SLC16A4: variants seen among roughly 807,000 people sequenced by gnomAD.
SLC16A4 encodes probable monocarboxylate transporter 5.
A neutral mutation model predicts 47.9 loss-of-function variants in SLC16A4; 39 were observed. That is an observed-to-expected ratio of 0.81 (90% CI 0.63 to 1.06). The LOEUF (loss-of-function observed/expected upper bound fraction) is 1.06, where lower values mean the gene tolerates loss of function less well. Ranked by LOEUF, SLC16A4 falls within the 50% of genes least tolerant of loss-of-function variation. SLC16A4 has a pLI of 0.00. For missense variants in SLC16A4, 524 were observed against 573.8 expected (o/e 0.91, Z 0.89); for synonymous variants, 189 against 199.9 (o/e 0.95, Z 0.46).
chr1:110,364,511 T>TC, intron 8 of SLC16A4, among the ~76,000 whole-genome samples: 1 of 148,834 alleles, frequency 6.7e-6, no homozygotes, highest in South Asian at 2.2e-4. Context: ...TTTTTTTTTT[T>TC]TTTTTTTTTG....
chr1:110,369,472 CG>C (rs1172009410), intron 8 of SLC16A4, among the ~76,000 whole-genome samples: 1 of 152,008 alleles, frequency 6.6e-6, no homozygotes, highest in Non-Finnish European at 1.5e-5. Context: ...TGGTGGCACA[CG>C]CCTGTAGTCC....
intron 2 of SLC16A4, among the ~76,000 whole-genome samples, chr1:110,387,483 T>A (rs1460658596): frequency 6.6e-6 from 1 of 152,234 alleles, no homozygotes; most frequent in Non-Finnish European, 1.5e-5. Context: ...ACATTACAAC[T>A]GTGGGGGATT....
chr1:110,370,928 A>G (rs1000110280), intron 8 of SLC16A4: 9 of 152,236 alleles, frequency 5.9e-5, no homozygotes, highest in Admixed American at 1.3e-4. Context: ...GAAGTAGAAG[A>G]AGGATACAGA....
chr1:110,372,705 C>T (rs1661748388), intron 8 of SLC16A4: 1 of 152,202 alleles, frequency 6.6e-6, no homozygotes, highest in Admixed American at 6.5e-5. Flanking sequence ...ACGTCCTGGA[C>T]TAAAAATTTC....
chr1:110,368,327 G>A (rs1661503522), intron 8 of SLC16A4, among the ~76,000 whole-genome samples: 2 of 152,202 alleles, frequency 1.3e-5, no homozygotes, highest in African/African-American at 4.8e-5. Context: ...GTATCTGAAT[G>A]TTCACTCTAT....
At chr1:110,371,435 T>G (rs962443635) in intron 8 of SLC16A4, 7 of 152,228 alleles carry the variant, frequency 4.6e-5, no homozygotes, top group African/African-American at 2.4e-5. Context: ...AGTAGGAATT[T>G]CATGTAAGTA....
At chr1:110,374,296 C>G (rs1164696565) in intron 8 of SLC16A4, among the ~76,000 whole-genome samples, 1 of 152,202 alleles carries the variant, frequency 6.6e-6, no homozygotes, top group Non-Finnish European at 1.5e-5. Context: ...CCACTTGGAC[C>G]TCCCAAAGTG....
intron 8 of SLC16A4, among the ~76,000 whole-genome samples, chr1:110,374,857 A>T (rs1300205424): frequency 2.6e-5 from 4 of 152,256 alleles, no homozygotes; most frequent in African/African-American, 9.6e-5. Context: ...GAGATACTTA[A>T]CAGATAACAG....
intron 8 of SLC16A4, 92 bp from the exon 9 acceptor site, chr1:110,363,985 G>A: frequency 7.4e-7 from 1 of 1,356,982 alleles, no homozygotes; most frequent in South Asian, 1.6e-5. Context: ...GGAGCCTCCT[G>A]TATTGTGACC....
rs1269545202 is a variant in SLC16A4 at position 110,377,028 on chromosome 1, TGTG to T, written c.1161_1163del (p.Thr388del). Reference sequence around the variant, plus strand: ...TGGTGTAGGTCATAAGTAGTGGAAATGTGGTGGCTAAAGGAGCAAGCAGGTTAG... The same window carrying T: ...TGGTGTAGGTCATAAGTAGTGGAAATGTGGCTAAAGGAGCAAGCAGGTTAG... On this transcript the variant is annotated inframe_deletion, in exon 7 of 9. Transcript: ENST00000369779. The T allele has an allele frequency of 3.7e-6, 6 of 1,613,376 alleles. No individual in the cohort carries two copies. The highest frequency in any genetic ancestry group is 2.2e-5 in the South Asian group (2 of 91,056).
Position 110,383,052 on chromosome 1 carries a change from T to C in SLC16A4, c.88-86A>G, listed in dbSNP as rs1662509657. 4.0e-6 allele frequency: 5 copies of C among 1,248,560 alleles called. No individual in the cohort carries two copies. The East Asian group carries it at 1.2e-4, about 31-fold the overall frequency. 77.3% of individuals were successfully genotyped at this position (1,248,560 alleles called of 1,614,324 possible). A position where few individuals can be genotyped will look rare whatever the true frequency, so the allele number is the denominator to read the frequency against. ...ACGGCTACTAGAAGTTATGATTCCC[T>C]CAGCTTACTACTATTTACCAGTTTG... On this transcript the variant is annotated intron_variant, in intron 2 of 8. Transcript: ENST00000369779.
intron 4 of SLC16A4, among the ~76,000 whole-genome samples, chr1:110,381,395 C>T (rs988562067): frequency 1.2e-4 from 18 of 152,186 alleles, no homozygotes; most frequent in African/African-American, 4.1e-4. Flanking sequence ...AATCTCGGCT[C>T]ACAACAGCCT....
Position 110,363,677 on chromosome 1 carries a change from C to A in SLC16A4, c.*89G>T, listed in dbSNP as rs188958304. ...CCTTCTCATGTTACAAATGTAGATG[C>A]GATGTGTTTCTTTCAAGCTTTTGTT... On this transcript the variant is annotated 3_prime_UTR_variant, in exon 9 of 9. Coordinates refer to ENST00000369779, the MANE Select transcript of SLC16A4 (RefSeq NM_004696.3). 2 of 1,167,498 alleles carry A rather than the reference C, an allele frequency of 1.7e-6. No homozygotes were observed. The highest frequency in any genetic ancestry group is 2.3e-6 in the Non-Finnish European group (2 of 853,206). 72.3% of individuals were successfully genotyped at this position (1,167,498 alleles called of 1,614,324 possible).
chr1:110,375,632 T>C (rs2101019788), intron 7 of SLC16A4, 81 bp from the exon 8 acceptor site: 2 of 766,180 alleles, frequency 2.6e-6, no homozygotes, highest in South Asian at 3.2e-5. Context: ...ACAAATACTA[T>C]TTATATCATC....
In SLC16A4 at chr1:110,375,455, T is replaced by TA. The variant is rs769209553; in HGVS notation, c.1336+2dup. On this transcript the variant is annotated splice_region_variant and intron_variant, in intron 8 of 8. Coordinates refer to ENST00000369779, the MANE Select transcript of SLC16A4 (RefSeq NM_004696.3). Reference sequence around the variant, plus strand: ...TTTGTTCAGAATGTGGTGAAGGTGTTACCTGCTATAGGTGGTCCAGAAAGG... The same window carrying TA: ...TTTGTTCAGAATGTGGTGAAGGTGTTAACCTGCTATAGGTGGTCCAGAAAGG... 2 of 1,584,398 alleles carry TA rather than the reference T, an allele frequency of 1.3e-6. No homozygotes were observed. Among genetic ancestry groups the TA allele is most frequent in the Non-Finnish European group, 1.7e-6 (2 of 1,152,844 alleles).
At chr1:110,389,592 C>T (rs1662920663) in intron 1 of SLC16A4, among the ~76,000 whole-genome samples, 1 of 152,176 alleles carries the variant, frequency 6.6e-6, no homozygotes. Flanking sequence ...CAAAAAGCCA[C>T]ATGCACTTTT....
intron 8 of SLC16A4, among the ~76,000 whole-genome samples, chr1:110,367,050 T>A (rs137911360): frequency 5.7e-4 from 87 of 152,382 alleles, no homozygotes; most frequent in African/African-American, 2.0e-3. Context: ...TGCAGAAATA[T>A]ACATATGACT....
At chr1:110,388,553 G>A (rs1444741074) in intron 2 of SLC16A4, among the ~76,000 whole-genome samples, 2 of 152,184 alleles carry the variant, frequency 1.3e-5, no homozygotes, top group Non-Finnish European at 2.9e-5. Context: ...CACCCCCAGA[G>A]CACTTTTTAG....
At chr1:110,377,258 GC>G in intron 6 of SLC16A4, 97 bp from the exon 7 acceptor site, 1 of 977,368 alleles carries the variant, frequency 1.0e-6, no homozygotes, top group Non-Finnish European at 1.6e-6. Context: ...TCATCCTGAG[GC>G]CAGGATATGT....
Sources: gnomAD v4.1 joint callset for allele counts (sites outside exome capture counted in the v4.1 genomes callset) on GRCh38, gnomAD v4.1.1 for gene constraint, MANE v1.5 for transcripts, NCBI Gene and HGNC (gene_info 2026-07-23, HGNC 2026-07-21) for gene names.